VPS50: variants seen among roughly 807,000 people sequenced by gnomAD.
VPS50 encodes the protein syndetin.
VPS50 carries 70 observed loss-of-function variants against 139.7 expected under a neutral mutation model. The ratio of observed to expected loss-of-function variants is 0.50; its 90% CI spans 0.41 to 0.61. VPS50 has a LOEUF of 0.61. VPS50 is among the 20% of genes least tolerant of loss of function. The pLI is 0.00. For synonymous variants in VPS50, 365 were observed against 376.7 expected, an observed-to-expected ratio of 0.97 and a Z score of 0.36; for missense variants, 921 against 1,133.7, an observed-to-expected ratio of 0.81 and a Z score of 2.69.
intron 21 of VPS50, among the ~76,000 whole-genome samples, chr7:93,329,933 A>G (rs927077093): frequency 1.3e-5 from 2 of 152,214 alleles, no homozygotes; most frequent in Non-Finnish European, 2.9e-5. Context: ...ATGATAACAC[A>G]TGAAAACCTA....
rs780359313 is a variant in VPS50, at chr7:93,291,840, G to C, written c.1075+5G>C. ...AGGATACTGCTTCAGCTTCTGGTAG[G>C]AAAATATTTTTATTTTATTTTAAAA... On this transcript the variant is annotated splice_donor_5th_base_variant and intron_variant, in intron 13 of 27. Coordinates refer to ENST00000305866, the MANE Select transcript of VPS50 (RefSeq NM_017667.4). 55 of 1,561,126 alleles carry C rather than the reference G, an allele frequency of 3.5e-5. No homozygotes were observed. The highest frequency in any genetic ancestry group is 4.7e-5 in the Non-Finnish European group (54 of 1,154,650).
At chr7:93,294,736 G>T in intron 14 of VPS50, 100 bp downstream of exon 14, 2 of 856,568 alleles carry the variant, frequency 2.3e-6, no homozygotes, top group African/African-American at 1.7e-5. Context: ...TGTATTCTTT[G>T]CAGATTTAAT....
intron 9 of VPS50, among the ~76,000 whole-genome samples, chr7:93,261,980 G>T (rs560419240): frequency 2.8e-4 from 42 of 152,304 alleles, no homozygotes; most frequent in African/African-American, 8.7e-4. Context: ...GTGGGAGTTG[G>T]TTGAACTATC....
At chr7:93,301,741 G>T (rs7777978) in intron 16 of VPS50, among the ~76,000 whole-genome samples, 6,331 of 152,232 alleles carry the variant, frequency 0.042, 169 homozygotes, top group African/African-American at 0.064. Context: ...CACCTAGTTT[G>T]TGGTAATTTG....
chr7:93,276,312 A>T lies in VPS50; in HGVS notation c.942+7A>T. 1.2e-6 allele frequency: 2 copies of T among 1,608,854 alleles called. No homozygotes were observed. Among genetic ancestry groups the T allele is most frequent in the African/African-American group, 2.7e-5 (2 of 74,920 alleles). On this transcript the variant is annotated splice_region_variant and intron_variant, in intron 12 of 27. Transcript: ENST00000305866. ...ATATAAGGATCTCTGTACAGTATGT[A>T]GTGACTTAATTACTATTCATATATC...
chr7:93,276,618 C>A (rs1191648212), intron 12 of VPS50, among the ~76,000 whole-genome samples: 1 of 152,180 alleles, frequency 6.6e-6, no homozygotes, highest in Non-Finnish European at 1.5e-5. Flanking sequence ...GGCTTCTAAG[C>A]AACCATCATT....
rs113068310 is a variant in VPS50, at chr7:93,323,829, C to T, written c.1977+97C>T. 1.9e-3 allele frequency: 1,098 copies of T among 576,792 alleles called. 15 individuals carry two copies. In the African/African-American group the frequency reaches 0.02, roughly 10 times the overall value. The allele number at this position is 576,792 out of a possible 1,614,324, so 35.7% of individuals were successfully genotyped here. On this transcript the variant is annotated intron_variant, in intron 21 of 27. Transcript: ENST00000305866. ...CTCTCTATAGAAGATACACAAATAA[C>T]ATTATTTTGGGGATTATGCATCAAA...
At chr7:93,299,960 T>G (rs903477627) in intron 16 of VPS50, among the ~76,000 whole-genome samples, 1 of 152,132 alleles carries the variant, frequency 6.6e-6, no homozygotes, top group African/African-American at 2.4e-5. Flanking sequence ...ATAAGTACAT[T>G]TTATTTTGTA....
chr7:93,246,123 A>AAT, intron 2 of VPS50: 1 of 1,517,430 alleles, frequency 6.6e-7, no homozygotes. Flanking sequence ...ACGTGATGTT[A>AAT]ACTTTGGTAA....
chr7:93,254,350 G>A (rs566248784), intron 4 of VPS50, among the ~76,000 whole-genome samples: 1 of 152,278 alleles, frequency 6.6e-6, no homozygotes, highest in Non-Finnish European at 1.5e-5. Context: ...GCTCACTGCA[G>A]CCTCTCCCTC....
Position 93,334,203 on chromosome 7 carries a change from TA to T in VPS50, c.2058+8del. The T allele has an allele frequency of 7.0e-7, 1 of 1,419,206 alleles. No homozygotes were observed. Among genetic ancestry groups the T allele is most frequent in the Non-Finnish European group, 9.8e-7 (1 of 1,018,352 alleles). 87.9% of individuals were successfully genotyped at this position (1,419,206 alleles called of 1,614,324 possible). A position where few individuals can be genotyped will look rare whatever the true frequency, so the allele number is the denominator to read the frequency against. On this transcript the variant is annotated splice_region_variant and intron_variant, in intron 22 of 27. Coordinates refer to ENST00000305866, the MANE Select transcript of VPS50 (RefSeq NM_017667.4). The stretch of plus-strand genomic sequence containing the variant: ...AAGAAAGCCTTATTGATCTAGTAAG[TA>T]ACGAATTGGAATAAATTCTTTTGGA...
chr7:93,353,878 G>A, intron 26 of VPS50, 117 bp downstream of exon 26: 2 of 802,750 alleles, frequency 2.5e-6, no homozygotes, highest in Non-Finnish European at 3.9e-6. Flanking sequence ...TAGCAGACAA[G>A]TTTGGGATAT....
chr7:93,260,360 A>G (rs73218084), intron 9 of VPS50, among the ~76,000 whole-genome samples: 3,691 of 152,266 alleles, frequency 0.024, 75 homozygotes, highest in Non-Finnish European at 0.037. Context: ...GTGCTTGCCA[A>G]ACAAATCTAG....
At chr7:93,324,458 T>A (rs1312653225) in intron 21 of VPS50, among the ~76,000 whole-genome samples, 1 of 152,238 alleles carries the variant, frequency 6.6e-6, no homozygotes, top group Non-Finnish European at 1.5e-5. Flanking sequence ...TTGAGATACA[T>A]CCCGTGAATA....
chr7:93,241,865 T>C (rs1216914948), intron 2 of VPS50, among the ~76,000 whole-genome samples: 1 of 152,112 alleles, frequency 6.6e-6, no homozygotes, highest in Non-Finnish European at 1.5e-5. Context: ...TTTATTTTTG[T>C]ATAATTGCTT....
intron 13 of VPS50, among the ~76,000 whole-genome samples, chr7:93,293,638 T>C (rs1584436664): frequency 1.3e-5 from 2 of 152,208 alleles, no homozygotes; most frequent in African/African-American, 4.8e-5. Context: ...TGAAGAGGAC[T>C]CTAGACTTTA....
intron 2 of VPS50, among the ~76,000 whole-genome samples, chr7:93,245,011 T>C (rs1795106497): frequency 6.6e-6 from 1 of 151,856 alleles, no homozygotes; most frequent in Non-Finnish European, 1.5e-5. Flanking sequence ...CAGTTACTAA[T>C]CATTGAAGAT....
intron 20 of VPS50, among the ~76,000 whole-genome samples, chr7:93,316,307 A>G (rs889004380): frequency 3.9e-5 from 6 of 152,226 alleles, no homozygotes; most frequent in African/African-American, 1.4e-4. Context: ...TGTCCTATGC[A>G]GCTTGGACAT....
At chr7:93,299,977 C>G (rs1005876005) in intron 16 of VPS50, among the ~76,000 whole-genome samples, 2 of 152,020 alleles carry the variant, frequency 1.3e-5, no homozygotes, top group African/African-American at 4.8e-5. Context: ...TGTAATTGCT[C>G]TAGTAATCAA....
Sources: allele counts gnomAD v4.1 joint callset (sites outside exome capture counted in the v4.1 genomes callset), GRCh38; gene constraint gnomAD v4.1.1; transcripts MANE v1.5; gene names NCBI Gene and HGNC (gene_info 2026-07-23, HGNC 2026-07-21).